TAF3: variants seen among roughly 807,000 people sequenced by gnomAD.
TAF3 encodes TATA-box binding protein associated factor 3.
A neutral mutation model predicts 80.6 loss-of-function variants in TAF3; 7 were observed. That is an observed-to-expected ratio of 0.09 (90% CI 0.05 to 0.16). The LOEUF (loss-of-function observed/expected upper bound fraction) is 0.16. TAF3 is among the 10% of genes least tolerant of loss of function. The pLI is 1.00. For synonymous variants in TAF3, 444 were observed against 446.1 expected, an observed-to-expected ratio of 1.00 and a Z score of 0.06; for missense variants, 921 against 1,140.2, an observed-to-expected ratio of 0.81 and a Z score of 2.77.
chr10:7,837,256 G>T (rs933421140), intron 2 of TAF3, among the ~76,000 whole-genome samples: 2 of 151,986 alleles, frequency 1.3e-5, no homozygotes, highest in African/African-American at 4.8e-5. Flanking sequence ...CCAGCTACTC[G>T]GGAGGCTGAG....
intron 1 of TAF3, among the ~76,000 whole-genome samples, chr10:7,824,004 G>T (rs1294506038): frequency 6.6e-6 from 1 of 151,204 alleles, no homozygotes; most frequent in Non-Finnish European, 1.5e-5. Context: ...GGCATTTTCT[G>T]TGTGTCAGGT....
At chr10:7,999,458 G>GT (rs372902098) in intron 4 of TAF3, among the ~76,000 whole-genome samples, 14,293 of 132,838 alleles carry the variant, frequency 0.11, 965 homozygotes, top group African/African-American at 0.19. Context: ...AAAGAAAGAA[G>GT]TTTTTTTTTT....
At chr10:7,935,151 C>G (rs1837904799) in intron 2 of TAF3, among the ~76,000 whole-genome samples, 1 of 152,096 alleles carries the variant, frequency 6.6e-6, no homozygotes, top group African/African-American at 2.4e-5. Context: ...CTGGTGCGCG[C>G]CTGTAATCCC....
At chr10:7,856,880 A>AG (rs1554777769) in intron 2 of TAF3, among the ~76,000 whole-genome samples, 3 of 142,502 alleles carry the variant, frequency 2.1e-5, no homozygotes, top group East Asian at 2.0e-4. Flanking sequence ...AAAAAAAAAA[A>AG]GCAGAAAGAA....
chr10:7,964,962 T>C lies in TAF3; in HGVS notation c.1452T>C (p.Asn484=), dbSNP rs1831554221. The part of the protein sequence containing the change: ...VRKAKLGTPS[N]MPPNFPYISS... ...AAGCAAAACTGGGAACACCTTCAAA[T>C]ATGCCCCCCAACTTTCCTTATATCT... Residue 484 remains asparagine (N), a synonymous_variant, in exon 3 of 7, where the codon AAT becomes AAC. Transcript: ENST00000344293. The surrounding 1 kb of genome is among the most constrained non-coding windows in gnomAD (Gnocchi z 4.1). The C allele has an allele frequency of 6.2e-7, 1 of 1,613,996 alleles. No individual in the cohort carries two copies. Among genetic ancestry groups the C allele is most frequent in the Admixed American group, 1.7e-5 (1 of 59,998 alleles).
At chr10:7,887,443 C>A (rs1259872612) in intron 2 of TAF3, among the ~76,000 whole-genome samples, 1 of 152,112 alleles carries the variant, frequency 6.6e-6, no homozygotes, top group Non-Finnish European at 1.5e-5. Flanking sequence ...TTTATCCTTA[C>A]CATCGAGAGA....
intron 2 of TAF3, among the ~76,000 whole-genome samples, chr10:7,878,866 C>T (rs1348979781): frequency 2.0e-5 from 3 of 151,956 alleles, no homozygotes; most frequent in Non-Finnish European, 2.9e-5. Flanking sequence ...TAGCTGGGAC[C>T]ACAGGCACAC....
chr10:7,968,337 T>C (rs1831592120), intron 3 of TAF3, among the ~76,000 whole-genome samples: 1 of 152,214 alleles, frequency 6.6e-6, no homozygotes, highest in African/African-American at 2.4e-5. Flanking sequence ...AGCATTTGTT[T>C]AAATTTTTCA....
At chr10:7,925,816 AAGAAAAG>A in intron 2 of TAF3, among the ~76,000 whole-genome samples, 2 of 145,542 alleles carry the variant, frequency 1.4e-5, no homozygotes, top group African/African-American at 5.1e-5. Flanking sequence ...AAAAAAAGAA[AAGAAAAG>A]AAAAGAAAAA....
intron 2 of TAF3, among the ~76,000 whole-genome samples, chr10:7,848,801 T>A (rs963889789): frequency 3.9e-5 from 6 of 152,322 alleles, no homozygotes; most frequent in African/African-American, 1.4e-4. Flanking sequence ...TTTATGCCAA[T>A]ATGCCTTTAT....
intron 4 of TAF3, among the ~76,000 whole-genome samples, chr10:8,004,634 T>G (rs1417391221): frequency 6.6e-6 from 1 of 152,254 alleles, no homozygotes; most frequent in Non-Finnish European, 1.5e-5. Flanking sequence ...CATTGCTAAT[T>G]AAGAAGTCAG....
chr10:7,821,969 ATG>A (rs1836694658), intron 1 of TAF3, among the ~76,000 whole-genome samples: 2 of 152,238 alleles, frequency 1.3e-5, no homozygotes, highest in Non-Finnish European at 2.9e-5. Flanking sequence ...TCAGCTCCCT[ATG>A]CAGCTAGTTC....
intron 2 of TAF3, among the ~76,000 whole-genome samples, chr10:7,938,888 A>G (rs1837950239): frequency 6.6e-6 from 1 of 152,224 alleles, no homozygotes; most frequent in Admixed American, 6.5e-5. Flanking sequence ...GGATTGACCC[A>G]TGAGTTCATT....
intron 2 of TAF3, among the ~76,000 whole-genome samples, chr10:7,948,793 G>T (rs996330584): frequency 8.5e-5 from 13 of 152,178 alleles, no homozygotes; most frequent in African/African-American, 2.9e-4. Flanking sequence ...TATCTTACCA[G>T]TTCAAACTTG....
intron 2 of TAF3, among the ~76,000 whole-genome samples, chr10:7,874,459 T>C (rs1837296121): frequency 6.6e-6 from 1 of 152,096 alleles, no homozygotes; most frequent in African/African-American, 2.4e-5. Context: ...TGGGGAATAG[T>C]GTGGAAAAAA....
At chr10:7,865,124 G>A (rs1588530490) in intron 2 of TAF3, among the ~76,000 whole-genome samples, 2 of 152,176 alleles carry the variant, frequency 1.3e-5, no homozygotes, top group Admixed American at 1.3e-4. Context: ...GAAGTGAGTG[G>A]GGCCTGGGGG....
At chr10:7,862,167 T>C (rs1837154744) in intron 2 of TAF3, among the ~76,000 whole-genome samples, 1 of 152,244 alleles carries the variant, frequency 6.6e-6, no homozygotes, top group Non-Finnish European at 1.5e-5. Flanking sequence ...CCAGTGAATA[T>C]ATTTTCCTTT....
At chr10:8,006,062 G>A (rs1329069418) in intron 4 of TAF3, among the ~76,000 whole-genome samples, 1 of 152,142 alleles carries the variant, frequency 6.6e-6, no homozygotes, top group Admixed American at 6.5e-5. Flanking sequence ...GGGCACCGTG[G>A]CTTACGCCTG....
At position 8,009,723 on chromosome 10, in the gene TAF3, G is replaced by C. The variant is rs1046135829; in HGVS notation, c.2568+393G>C. ...TGCAACCTCCACCTCCCAGGTTCAA[G>C]CGATTCTCCTGCCTCAGCCTCCTGA... On this transcript the variant is annotated intron_variant, in intron 5 of 6. Transcript: ENST00000344293. This position sits in a 1 kb window ranked among gnomAD's most constrained non-coding sequence, Gnocchi z 4.1. Among the ~76,000 whole-genome samples the C allele has an allele frequency of 2.6e-5, 4 of 151,842 alleles. No individual in the cohort carries two copies. Among genetic ancestry groups the C allele is most frequent in the African/African-American group, 9.7e-5 (4 of 41,328 alleles).
Sources: gnomAD v4.1 joint callset for allele counts (sites outside exome capture counted in the v4.1 genomes callset) on GRCh38, gnomAD v4.1.1 for gene constraint, Gnocchi (gnomAD v3.1) non-coding constraint, MANE v1.5 for transcripts, NCBI Gene and HGNC (gene_info 2026-07-23, HGNC 2026-07-21) for gene names.